SFMBT2: variants seen among roughly 807,000 people sequenced by gnomAD.
The protein encoded by SFMBT2 is Scm like with four mbt domains 2.
Under a neutral mutation model 110.1 loss-of-function variants are expected in SFMBT2, and 38 were observed. That is an observed-to-expected ratio of 0.35 (90% CI 0.27 to 0.45). The LOEUF is 0.45. Among genes scored for constraint, SFMBT2 ranks in the 20% least tolerant of loss-of-function variants. The pLI is 1.00. For synonymous variants in SFMBT2, 425 were observed against 425.4 expected, an observed-to-expected ratio of 1.00 and a Z score of 0.01; for missense variants, 1,011 against 1,094.9, an observed-to-expected ratio of 0.92 and a Z score of 1.08.
chr10:7,303,013 A>C (rs201986757), intron 4 of SFMBT2, among the ~76,000 whole-genome samples: 1 of 20,140 alleles, frequency 5.0e-5, no homozygotes, highest in African/African-American at 1.6e-4. Flanking sequence ...TACAATGTTA[A>C]AAAAAAAAAA....
At chr10:7,332,634 A>G (rs1416074881) in intron 4 of SFMBT2, among the ~76,000 whole-genome samples, 4 of 152,200 alleles carry the variant, frequency 2.6e-5, no homozygotes, top group African/African-American at 9.6e-5. Flanking sequence ...AAACAAGTCT[A>G]CTGGGCCCAT....
intron 4 of SFMBT2, among the ~76,000 whole-genome samples, chr10:7,287,185 T>C (rs939770681): frequency 4.1e-5 from 6 of 145,188 alleles, no homozygotes; most frequent in South Asian, 2.2e-4. Flanking sequence ...GTTCACGCCA[T>C]TCTCCTGCCT....
intron 20 of SFMBT2, among the ~76,000 whole-genome samples, chr10:7,169,746 G>C (rs973301824): frequency 3.3e-5 from 5 of 152,162 alleles, no homozygotes; most frequent in Non-Finnish European, 5.9e-5. Context: ...TGTGTGTGCA[G>C]AGTGGCAACT....
At chr10:7,200,560 A>G in intron 13 of SFMBT2, 76 bp from the exon 14 acceptor site, 1 of 1,220,262 alleles carries the variant, frequency 8.2e-7, no homozygotes, top group Admixed American at 2.6e-5. Flanking sequence ...GTCTTACCAT[A>G]ATTTAAAAGG....
chr10:7,296,470 T>C (rs1351149047), intron 4 of SFMBT2, among the ~76,000 whole-genome samples: 1 of 152,244 alleles, frequency 6.6e-6, no homozygotes, highest in Non-Finnish European at 1.5e-5. Flanking sequence ...CTATTTTTCA[T>C]ACTTGACTTG....
At chr10:7,197,511 G>A (rs1253708724) in intron 15 of SFMBT2, 37 bp downstream of exon 15, 13 of 1,597,014 alleles carry the variant, frequency 8.1e-6, no homozygotes, top group South Asian at 1.1e-5. Flanking sequence ...AAAAAATCCT[G>A]TTAAAATAAG....
Position 7,197,481 on chromosome 10 carries a change from A to T in SFMBT2, c.1698+67T>A, listed in dbSNP as rs951690503. The T allele has an allele frequency of 7.6e-6, 12 of 1,575,162 alleles. No individual in the cohort carries two copies. The Admixed American group carries it at 8.7e-5, about 11-fold the overall frequency. Reference sequence around the variant, plus strand: ...TCCAATGCCTATTCCCTCCTTCAGAAACTGAGCCCACAGCTTTTTAAAAAA... The same window carrying T: ...TCCAATGCCTATTCCCTCCTTCAGATACTGAGCCCACAGCTTTTTAAAAAA... On this transcript the variant is annotated intron_variant, in intron 15 of 20. Coordinates refer to ENST00000397167, the MANE Select transcript of SFMBT2 (RefSeq NM_001387889.1).
intron 7 of SFMBT2, among the ~76,000 whole-genome samples, chr10:7,276,404 T>C (rs1841776521): frequency 6.6e-6 from 1 of 152,240 alleles, no homozygotes; most frequent in African/African-American, 2.4e-5. Flanking sequence ...ATCAGCATCT[T>C]GTAATATGGG....
At chr10:7,329,100 T>C (rs1843484050) in intron 4 of SFMBT2, among the ~76,000 whole-genome samples, 1 of 152,220 alleles carries the variant, frequency 6.6e-6, no homozygotes, top group African/African-American at 2.4e-5. Flanking sequence ...AAGCAACAGA[T>C]ATACTGGGGT....
At chr10:7,214,248 T>C (rs991574234) in intron 11 of SFMBT2, among the ~76,000 whole-genome samples, 1 of 152,148 alleles carries the variant, frequency 6.6e-6, no homozygotes, top group Non-Finnish European at 1.5e-5. Flanking sequence ...CCACCACTCT[T>C]AAGAACACAG....
chr10:7,288,097 T>C (rs1176755912), intron 4 of SFMBT2, among the ~76,000 whole-genome samples: 1 of 152,246 alleles, frequency 6.6e-6, no homozygotes, highest in African/African-American at 2.4e-5. Context: ...TACCCATGAC[T>C]TCTAGATTGA....
chr10:7,309,142 C>T (rs914664808), intron 4 of SFMBT2, among the ~76,000 whole-genome samples: 9 of 152,256 alleles, frequency 5.9e-5, no homozygotes, highest in East Asian at 5.8e-4. Flanking sequence ...GACAGCCCTC[C>T]GTCATGTGGA....
At chr10:7,343,795 A>G (rs1430810645) in intron 4 of SFMBT2, among the ~76,000 whole-genome samples, 1 of 152,210 alleles carries the variant, frequency 6.6e-6, no homozygotes, top group African/African-American at 2.4e-5. Context: ...CTAACTTAGA[A>G]GCAAACCGTT....
At chr10:7,349,202 G>A (rs774253278) in intron 4 of SFMBT2, among the ~76,000 whole-genome samples, 1 of 152,008 alleles carries the variant, frequency 6.6e-6, no homozygotes, top group Non-Finnish European at 1.5e-5. Context: ...AAAATGACCC[G>A]GCATCAATCA....
chr10:7,231,724 C>A (rs925435690), intron 9 of SFMBT2, among the ~76,000 whole-genome samples: 8 of 151,920 alleles, frequency 5.3e-5, no homozygotes, highest in Non-Finnish European at 1.2e-4. Flanking sequence ...CAATGTTGCT[C>A]ATTTCCCTGA....
chr10:7,225,368 G>C (rs1839869176), intron 10 of SFMBT2, among the ~76,000 whole-genome samples: 2 of 152,120 alleles, frequency 1.3e-5, no homozygotes, highest in African/African-American at 2.4e-5. Context: ...TTCCACACTA[G>C]CTCTCCTCTA....
chr10:7,373,873 C>T (rs1188025543), intron 2 of SFMBT2, among the ~76,000 whole-genome samples: 1 of 152,094 alleles, frequency 6.6e-6, no homozygotes, highest in South Asian at 2.1e-4. Context: ...AGTCCTGGGC[C>T]GAAGGAGGCA....
intron 15 of SFMBT2, 89 bp from the exon 16 acceptor site, chr10:7,188,822 T>C: frequency 9.3e-7 from 1 of 1,071,384 alleles, no homozygotes; most frequent in Non-Finnish European, 1.4e-6. Context: ...CCACTGACAT[T>C]TAGGAACAGC....
chr10:7,371,716 G>C (rs1323703619), intron 2 of SFMBT2, among the ~76,000 whole-genome samples: 1 of 152,162 alleles, frequency 6.6e-6, no homozygotes, highest in African/African-American at 2.4e-5. Flanking sequence ...TGATCTTCCT[G>C]CAATAATGTC....
Sources: gnomAD v4.1 joint callset for allele counts (sites outside exome capture counted in the v4.1 genomes callset) on GRCh38, gnomAD v4.1.1 for gene constraint, MANE v1.5 for transcripts, NCBI Gene and HGNC (gene_info 2026-07-23, HGNC 2026-07-21) for gene names.